Variants in ANKRD36C observed in about 807,000 individuals in gnomAD.
ANKRD36C encodes the protein ankyrin repeat domain 36C, also known as ankyrin repeat domain-containing protein 36C.
A neutral mutation model predicts 276.4 loss-of-function variants in ANKRD36C; 61 were observed. That is an observed-to-expected ratio of 0.22 (90% CI 0.18 to 0.27). ANKRD36C has a LOEUF of 0.27. Among genes scored for constraint, ANKRD36C ranks in the 10% least tolerant of loss-of-function variants. The probability of loss-of-function intolerance (pLI) is 1.00; values close to 1 mark genes in which losing one functional copy is unlikely to be tolerated. For synonymous variants in ANKRD36C, 483 were observed against 680.1 expected (o/e 0.71, Z 4.51); for missense variants, 1,447 against 2,032.3 (o/e 0.71, Z 5.54).
At chr2:95,920,912 G>A (rs1464741092) in intron 34 of ANKRD36C, among the ~76,000 whole-genome samples, 1 of 149,900 alleles carries the variant, frequency 6.7e-6, no homozygotes, top group East Asian at 2.0e-4. Context: ...AACAAAACAT[G>A]TATCTCTGAT....
chr2:95,926,513 T>C, intron 28 of ANKRD36C, among the ~76,000 whole-genome samples: 1 of 151,678 alleles, frequency 6.6e-6, no homozygotes, highest in East Asian at 1.9e-4. Context: ...TTCATGTTTA[T>C]GTCATTTGAA....
intron 38 of ANKRD36C, among the ~76,000 whole-genome samples, chr2:95,915,633 G>GTGAC (rs1225916089): frequency 1.3e-5 from 2 of 151,420 alleles, no homozygotes; most frequent in African/African-American, 4.8e-5. Context: ...GCCCTATGAT[G>GTGAC]TGACGTCTGT....
At chr2:95,928,267 C>G (rs1333469886) in intron 26 of ANKRD36C, among the ~76,000 whole-genome samples, 1 of 151,588 alleles carries the variant, frequency 6.6e-6, no homozygotes, top group Non-Finnish European at 1.5e-5. Context: ...TCATGTTAGT[C>G]TCTAAGGAAG....
At chr2:95,892,746 G>A (rs1191278283) in intron 44 of ANKRD36C, among the ~76,000 whole-genome samples, 1 of 151,146 alleles carries the variant, frequency 6.6e-6, no homozygotes, top group Non-Finnish European at 1.5e-5. Context: ...CTCTAAAGAA[G>A]TTTCATGAAA....
At chr2:95,893,874 T>C in intron 44 of ANKRD36C, 150 bp from the exon 63 acceptor site, 6 of 1,378,914 alleles carry the variant, frequency 4.4e-6, no homozygotes, top group Middle Eastern at 2.6e-4. Context: ...GACTAGAACA[T>C]GACAGAAATA....
chr2:95,881,604 A>G (rs1439745464), intron 56 of ANKRD36C, among the ~76,000 whole-genome samples: 1 of 152,160 alleles, frequency 6.6e-6, no homozygotes, highest in East Asian at 1.9e-4. Context: ...TAAAAAATAT[A>G]TGTGTGATGT....
intron 60 of ANKRD36C, among the ~76,000 whole-genome samples, chr2:95,862,703 C>T (rs1351062455): frequency 6.6e-6 from 1 of 151,534 alleles, no homozygotes. Flanking sequence ...TTTGTCTTCC[C>T]CAAAATTTAT....
chr2:95,867,470 G>A (rs1395327188), exon 60 of ANKRD36C: 5 of 1,405,352 alleles, frequency 3.6e-6, no homozygotes, highest in Non-Finnish European at 4.8e-6. Context: ...TGATCAATGA[G>A]TAATATGACA....
intron 32 of ANKRD36C, among the ~76,000 whole-genome samples, chr2:95,922,230 G>C (rs943949854): frequency 6.6e-6 from 1 of 151,506 alleles, no homozygotes; most frequent in African/African-American, 2.4e-5. Context: ...CATTCATCAT[G>C]TTCATTAACT....
chr2:95,947,396 C>T (rs575433506), intron 17 of ANKRD36C, among the ~76,000 whole-genome samples: 2,433 of 152,252 alleles, frequency 0.016, 36 homozygotes, highest in Non-Finnish European at 0.023. Context: ...GCCCATTTCC[C>T]TGTTTGTTGA....
At chr2:95,965,901 C>T (rs1308981098) in intron 6 of ANKRD36C, among the ~76,000 whole-genome samples, 1 of 152,006 alleles carries the variant, frequency 6.6e-6, no homozygotes, top group African/African-American at 2.4e-5. Context: ...TAGGAATATG[C>T]ACATATGTTG....
chr2:95,947,243 T>C (rs990383788), intron 17 of ANKRD36C, among the ~76,000 whole-genome samples: 10 of 152,062 alleles, frequency 6.6e-5, no homozygotes, highest in African/African-American at 2.4e-4. Context: ...CTATAACATA[T>C]TTTCTCAGGA....
At chr2:95,850,317 A>C (rs535474602), downstream of ANKRD36C, among the ~76,000 whole-genome samples, 12 of 152,390 alleles carry the variant, frequency 7.9e-5, no homozygotes, top group African/African-American at 2.9e-4. Context: ...ATCTGAAAAA[A>C]CAAACAGGCA....
At chr2:95,925,484 T>C (rs1428208784) in intron 29 of ANKRD36C, 35 bp downstream of exon 29, 13 of 1,548,124 alleles carry the variant, frequency 8.4e-6, no homozygotes, top group South Asian at 1.2e-5. Context: ...GGCTATGTAA[T>C]AAATAATTCA....
chr2:95,984,485 G>T lies in ANKRD36C; in HGVS notation c.487-2123C>A, dbSNP rs557884943. ...ATCTATGGGACACATTTGGACTATA[G>T]ACCTTGTATTTTTATATTTGCTGTG... On this transcript the variant is annotated intron_variant, in intron 3 of 66. Coordinates refer to ENST00000456556, the Ensembl canonical transcript of ANKRD36C. 3.9e-5 allele frequency among the ~76,000 whole-genome samples: 6 copies of T among 152,324 alleles called. No individual in the cohort carries two copies. In the East Asian group the frequency reaches 7.7e-4, roughly 20 times the overall value.
chr2:95,973,422 AT>A (rs1678738567), intron 6 of ANKRD36C, among the ~76,000 whole-genome samples: 1 of 152,144 alleles, frequency 6.6e-6, no homozygotes, highest in African/African-American at 2.4e-5. Context: ...AAAAAAAAAA[AT>A]CTATTAATAA....
exon 1 of ANKRD36C, chr2:95,991,782 A>G (rs2104552763): frequency 3.5e-6 from 5 of 1,429,630 alleles, no homozygotes; most frequent in African/African-American, 1.4e-5. Flanking sequence ...CCGAAGAGCA[A>G]CAACAGGCAA....
chr2:95,856,622 T>C (rs561839117), intron 62 of ANKRD36C, among the ~76,000 whole-genome samples: 1 of 152,296 alleles, frequency 6.6e-6, no homozygotes, highest in South Asian at 2.1e-4. Context: ...TTAAGTTCTC[T>C]TTTTCTAAAA....
At chr2:95,976,094 AGT>A (rs1403097251) in intron 6 of ANKRD36C, among the ~76,000 whole-genome samples, 1 of 152,226 alleles carries the variant, frequency 6.6e-6, no homozygotes, top group Admixed American at 6.5e-5. Flanking sequence ...ATCTCACACC[AGT>A]TAGAATGGCG....
Sources: gnomAD v4.1 joint callset for allele counts (sites outside exome capture counted in the v4.1 genomes callset) on GRCh38, gnomAD v4.1.1 for gene constraint, MANE v1.5 for transcripts, NCBI Gene and HGNC (gene_info 2026-07-23, HGNC 2026-07-21) for gene names.